DLG2: variants seen among roughly 807,000 people sequenced by gnomAD.
DLG2 encodes the protein disks large homolog 2.
DLG2 carries 45 observed loss-of-function variants against 132.5 expected under a neutral mutation model. The ratio of observed to expected loss-of-function variants is 0.34; its 90% CI spans 0.27 to 0.44. DLG2 has a LOEUF of 0.44. DLG2 is among the 20% of genes least tolerant of loss of function. The pLI is 1.00. For missense variants in DLG2, 1,045 were observed against 1,196.9 expected (o/e 0.87, Z 1.87); for synonymous variants, 424 against 419.6 (o/e 1.01, Z -0.13).
intron 7 of DLG2, among the ~76,000 whole-genome samples, chr11:84,416,568 C>T (rs2098930466): frequency 1.3e-5 from 2 of 152,172 alleles, no homozygotes; most frequent in African/African-American, 4.8e-5. Flanking sequence ...GCAATATCAC[C>T]TAACGATTAA....
intron 7 of DLG2, among the ~76,000 whole-genome samples, chr11:84,502,230 C>CTCT (rs2099213293): frequency 4.5e-5 from 1 of 22,204 alleles, no homozygotes. Flanking sequence ...TTCCTTCCTT[C>CTCT]CTTCCTTCCT....
chr11:84,816,491 G>A (rs1260450788), intron 6 of DLG2, among the ~76,000 whole-genome samples: 1 of 151,710 alleles, frequency 6.6e-6, no homozygotes, highest in East Asian at 1.9e-4. Flanking sequence ...AATTTTCAAA[G>A]TGGTCTAACA....
intron 3 of DLG2, among the ~76,000 whole-genome samples, chr11:85,363,116 G>A (rs534066797): frequency 2.0e-5 from 3 of 152,186 alleles, no homozygotes; most frequent in South Asian, 4.2e-4. Flanking sequence ...AGGAGTCTTC[G>A]GCAAGTACCA....
chr11:83,928,771 A>G (rs80277993), intron 15 of DLG2, among the ~76,000 whole-genome samples: 2,986 of 152,228 alleles, frequency 0.02, 69 homozygotes, highest in East Asian at 0.072. Context: ...ACCTCAAAAA[A>G]TTATTGTGAG....
intron 7 of DLG2, among the ~76,000 whole-genome samples, chr11:84,496,057 G>A (rs1291944917): frequency 6.6e-6 from 1 of 152,094 alleles, no homozygotes; most frequent in African/African-American, 2.4e-5. Flanking sequence ...CATCTAAGCT[G>A]GAGTGAGCTA....
intron 3 of DLG2, among the ~76,000 whole-genome samples, chr11:85,481,611 A>G (rs2093292371): frequency 6.6e-6 from 1 of 152,074 alleles, no homozygotes; most frequent in African/African-American, 2.4e-5. Context: ...AAGACCCCCA[A>G]CAGCCCCAAA....
intron 6 of DLG2, among the ~76,000 whole-genome samples, chr11:84,852,141 T>G (rs561822389): frequency 6.6e-6 from 1 of 152,044 alleles, no homozygotes; most frequent in African/African-American, 2.4e-5. Context: ...TAGCTGCTTC[T>G]TTTTATACAT....
At chr11:85,068,196 T>A (rs755470659) in intron 6 of DLG2, among the ~76,000 whole-genome samples, 5 of 152,114 alleles carry the variant, frequency 3.3e-5, no homozygotes, top group Non-Finnish European at 5.9e-5. Context: ...GCCAATATCA[T>A]ACTGAATGGC....
At chr11:84,625,127 TG>T (rs1386315797) in intron 6 of DLG2, among the ~76,000 whole-genome samples, 1 of 151,946 alleles carries the variant, frequency 6.6e-6, no homozygotes, top group African/African-American at 2.4e-5. Flanking sequence ...CCCAAAGTGC[TG>T]GGATTACAGG....
chr11:84,621,779 C>T (rs79951125), intron 6 of DLG2, among the ~76,000 whole-genome samples: 3,176 of 152,092 alleles, frequency 0.021, 111 homozygotes, highest in African/African-American at 0.072. Context: ...GTAACTGTGT[C>T]ATAGGAATAG....
intron 3 of DLG2, among the ~76,000 whole-genome samples, chr11:85,569,697 C>A (rs1333079305): frequency 2.0e-5 from 3 of 152,078 alleles, no homozygotes; most frequent in Non-Finnish European, 2.9e-5. Flanking sequence ...AGAATGACTA[C>A]TACTAAAAAG....
intron 17 of DLG2, among the ~76,000 whole-genome samples, chr11:83,801,218 T>C (rs1214443606): frequency 6.6e-6 from 1 of 151,956 alleles, no homozygotes; most frequent in Non-Finnish European, 1.5e-5. Context: ...CTCCACCCCA[T>C]CCCTCTAGGC....
At chr11:84,542,684 T>A (rs1244391948) in intron 6 of DLG2, among the ~76,000 whole-genome samples, 1 of 151,928 alleles carries the variant, frequency 6.6e-6, no homozygotes, top group East Asian at 1.9e-4. Context: ...AATAACAGAA[T>A]TTCAAAGGGA....
intron 6 of DLG2, among the ~76,000 whole-genome samples, chr11:85,045,845 A>G (rs2062290620): frequency 6.6e-6 from 1 of 152,092 alleles, no homozygotes; most frequent in South Asian, 2.1e-4. Flanking sequence ...GAAGAGAAGA[A>G]TAACTTCTCT....
intron 8 of DLG2, among the ~76,000 whole-genome samples, chr11:84,247,195 C>T (rs192834748): frequency 1.3e-5 from 2 of 152,264 alleles, no homozygotes; most frequent in Admixed American, 6.5e-5. Flanking sequence ...ATAAAGAATA[C>T]TATTTGTTAG....
At chr11:84,555,295 A>G (rs1398104840) in intron 6 of DLG2, among the ~76,000 whole-genome samples, 1 of 152,128 alleles carries the variant, frequency 6.6e-6, no homozygotes, top group Non-Finnish European at 1.5e-5. Context: ...ACTTCTGGGT[A>G]TATATCCCAA....
At chr11:85,050,674 T>C (rs2062805300) in intron 6 of DLG2, among the ~76,000 whole-genome samples, 1 of 152,036 alleles carries the variant, frequency 6.6e-6, no homozygotes, top group South Asian at 2.1e-4. Flanking sequence ...CAAGAAAAAA[T>C]CAAAGATATT....
chr11:83,742,339 C>T (rs866958923), intron 18 of DLG2, among the ~76,000 whole-genome samples: 30 of 150,772 alleles, frequency 2.0e-4, no homozygotes, highest in Admixed American at 1.9e-3. Flanking sequence ...ATGTTGTGTA[C>T]CTTAAATATA....
At chr11:84,027,819 T>C (rs373688690) in intron 11 of DLG2, among the ~76,000 whole-genome samples, 4 of 152,184 alleles carry the variant, frequency 2.6e-5, no homozygotes, top group African/African-American at 9.6e-5. Flanking sequence ...TGATATTCCT[T>C]CCATAACACA....
Sources: allele counts gnomAD v4.1 joint callset (sites outside exome capture counted in the v4.1 genomes callset), GRCh38; gene constraint gnomAD v4.1.1; transcripts MANE v1.5; gene names NCBI Gene and HGNC (gene_info 2026-07-23, HGNC 2026-07-21).